The following CLEC7A variants were observed in gnomAD, a reference collection of about 807,000 sequenced individuals.
CLEC7A encodes the protein C-type lectin domain family 7 member A.
In CLEC7A, 25 loss-of-function variants were observed where a neutral mutation model predicts 26.9. That is an observed-to-expected ratio of 0.93 (90% confidence interval 0.68 to 1.30). The LOEUF is 1.30. Ranked by LOEUF, CLEC7A falls within the 50% of genes most tolerant of loss-of-function variation. CLEC7A has a pLI of 0.00. For synonymous variants in CLEC7A, 100 were observed against 99.5 expected (o/e 1.01, Z -0.03); for missense variants, 275 against 286.7 (o/e 0.96, Z 0.29).
At chr12:10,120,717 C>T (rs11831174) in intron 5 of CLEC7A, among the ~76,000 whole-genome samples, 2,028 of 150,522 alleles carry the variant, frequency 0.013, 46 homozygotes, top group African/African-American at 0.047. Flanking sequence ...CGTGAGTCCC[C>T]GCGCCCGGCC....
chr12:10,122,967 T>C (rs1948143419), intron 5 of CLEC7A, among the ~76,000 whole-genome samples: 1 of 152,140 alleles, frequency 6.6e-6, no homozygotes, highest in Admixed American at 6.6e-5. Flanking sequence ...GCTCCTTGCC[T>C]GGACAACTTC....
chr12:10,123,905 AT>A (rs1313191799), intron 4 of CLEC7A, among the ~76,000 whole-genome samples: 2 of 152,226 alleles, frequency 1.3e-5, no homozygotes, highest in Non-Finnish European at 2.9e-5. Flanking sequence ...AAAAGAATAG[AT>A]TTGTAATGTG....
chr12:10,123,767 C>CAAAAAA (rs372400404), intron 4 of CLEC7A, among the ~76,000 whole-genome samples: 35 of 124,628 alleles, frequency 2.8e-4, no homozygotes, highest in South Asian at 7.4e-4. Flanking sequence ...GACTCCGTCT[C>CAAAAAA]AAAAAAAAAA....
chr12:10,127,885 G>T, intron 1 of CLEC7A, 40 bp from the exon 2 acceptor site: 1 of 1,351,308 alleles, frequency 7.4e-7, no homozygotes, highest in Non-Finnish European at 1.0e-6. Flanking sequence ...TAAAGAAAGA[G>T]AATGACGGAT....
intron 5 of CLEC7A, among the ~76,000 whole-genome samples, chr12:10,121,603 A>G (rs1222810525): frequency 1.3e-5 from 2 of 152,234 alleles, no homozygotes; most frequent in Non-Finnish European, 2.9e-5. Flanking sequence ...GCATTTCTAA[A>G]TAACTCCTGG....
chr12:10,123,773 A>C (rs1948183750), intron 4 of CLEC7A, among the ~76,000 whole-genome samples: 1 of 151,072 alleles, frequency 6.6e-6, no homozygotes, highest in Admixed American at 6.6e-5. Flanking sequence ...GTCTCAAAAA[A>C]AAAAAAAAGA....
chr12:10,120,483 G>C (rs1948043800), intron 5 of CLEC7A, among the ~76,000 whole-genome samples: 1 of 152,102 alleles, frequency 6.6e-6, no homozygotes, highest in African/African-American at 2.4e-5. Context: ...GTAATGTACA[G>C]TTGGAAAGGA....
At chr12:10,128,466 T>A (rs1334894741) in intron 1 of CLEC7A, among the ~76,000 whole-genome samples, 1 of 152,162 alleles carries the variant, frequency 6.6e-6, no homozygotes, top group African/African-American at 2.4e-5. Context: ...ATTAGTAGGA[T>A]CCCTGAAATC....
At chr12:10,122,491 T>TTTC (rs60075079) in intron 5 of CLEC7A, among the ~76,000 whole-genome samples, 1 of 146,276 alleles carries the variant, frequency 6.8e-6, no homozygotes, top group African/African-American at 2.6e-5. Flanking sequence ...TTTCTTTTTT[T>TTTC]TTTTTTTTTT....
intron 1 of CLEC7A, among the ~76,000 whole-genome samples, chr12:10,128,207 AACACACACACACAC>A (rs71860807): frequency 3.8e-5 from 5 of 132,786 alleles, no homozygotes; most frequent in South Asian, 4.8e-4. Context: ...ACCCTGTTAA[AACACACACACACAC>A]ACACACACAC....
intron 5 of CLEC7A, among the ~76,000 whole-genome samples, chr12:10,122,931 G>A (rs1303223497): frequency 6.6e-6 from 1 of 151,984 alleles, no homozygotes. Context: ...CTCTTAACCG[G>A]GGAGTTACAC....
Position 10,119,106 on chromosome 12 carries a change from CA to C in CLEC7A, c.612-517del, listed in dbSNP as rs567712594. On this transcript the variant is annotated intron_variant, in intron 5 of 5. Transcript: ENST00000304084. The stretch of plus-strand genomic sequence containing the variant: ...GTATCCTGGAAGCAGAATTATATTA[CA>C]ATACAATGCTTGACAGTTATGGAAA... 2.0e-3 allele frequency among the ~76,000 whole-genome samples: 309 copies of C among 152,264 alleles called. 3 individuals are homozygous for C. Among genetic ancestry groups the C allele is most frequent in the African/African-American group, 7.0e-3 (289 of 41,558 alleles).
At chr12:10,123,200 C>T in intron 5 of CLEC7A, 45 bp downstream of exon 5, 1 of 1,269,978 alleles carries the variant, frequency 7.9e-7, no homozygotes, top group Non-Finnish European at 1.1e-6. Flanking sequence ...GAGATGGAAA[C>T]CTCTCTGAGA....
In CLEC7A at chr12:10,127,757, C is replaced by A; in HGVS notation, c.192G>T (p.Leu64=). The part of the protein sequence containing the change: ...CLVILVIAVV[L]GTMAIWRSNS... ...CCACCAAATACTCACCCATGGTACC[C>A]AGGACCACAGCTATCACCAGTATTA... Residue 64 remains leucine (L), a synonymous_variant, in exon 2 of 6, where the codon CTG becomes CTT. Transcript: ENST00000304084. 6.3e-7 allele frequency: 1 copy of A among 1,587,310 alleles called. No individual in the cohort carries two copies.
rs781427660 is a variant in CLEC7A at position 10,127,758 on chromosome 12, A to G, written c.191T>C (p.Leu64Pro). The G allele has an allele frequency of 1.8e-5, 28 of 1,587,876 alleles. No homozygotes were observed. The highest frequency in any genetic ancestry group is 2.2e-5 in the Non-Finnish European group (26 of 1,164,802). The change falls in exon 2 of 6, where the codon CTG becomes CCG. Residue 64 changes from leucine to proline, a missense_variant. Leu to Pro is a moderately conservative substitution (Grantham distance 98). Transcript: ENST00000304084. ...CACCAAATACTCACCCATGGTACCC[A>G]GGACCACAGCTATCACCAGTATTAC... ...CLVILVIAVVLGTMAIWRSNS... is the reference protein window; with the variant it reads ...CLVILVIAVVPGTMAIWRSNS...
Position 10,125,365 on chromosome 12 carries a change from C to A in CLEC7A, c.424G>T (p.Asp142Tyr). 6.2e-7 allele frequency: 1 copy of A among 1,613,528 alleles called. No homozygotes were observed. Among genetic ancestry groups the A allele is most frequent in the East Asian group, 2.2e-5 (1 of 44,858 alleles). The change falls in exon 4 of 6, where the codon GAT becomes TAT. Residue 142 changes from aspartate to tyrosine, a missense_variant. Coordinates refer to ENST00000304084, the MANE Select transcript of CLEC7A (RefSeq NM_197947.3). ...TGCCAGCATTGTCTTTTACTTCCAT[C>A]CCAGGAATTTAGTGACATGCTGAAT... is the stretch of plus-strand genomic sequence containing the variant. ...YLFSMSLNSW[D>Y]GSKRQCWQLG...
chr12:10,120,729 A>C lies in CLEC7A; in HGVS notation c.612-2139T>G, dbSNP rs538988714. Among the ~76,000 whole-genome samples, 133 of 138,446 alleles carry C rather than the reference A, an allele frequency of 9.6e-4. 1 individual carries two copies. In the East Asian group the frequency reaches 0.024, roughly 25 times the overall value. The allele number at this position is 138,446 out of a possible 152,430, so 90.8% of individuals were successfully genotyped here. A position where few individuals can be genotyped will look rare whatever the true frequency, so the allele number is the denominator to read the frequency against. ...AGGCGTGAGTCCCCGCGCCCGGCCC[A>C]AGGGCTAGTTTTTTCTTTTTTCTTT... is the stretch of plus-strand genomic sequence containing the variant. On this transcript the variant is annotated intron_variant, in intron 5 of 5. Coordinates refer to ENST00000304084, the MANE Select transcript of CLEC7A (RefSeq NM_197947.3).
intron 3 of CLEC7A, among the ~76,000 whole-genome samples, chr12:10,125,826 T>A (rs1404939660): frequency 6.6e-6 from 1 of 152,208 alleles, no homozygotes; most frequent in Non-Finnish European, 1.5e-5. Flanking sequence ...TATTTTATGA[T>A]GTAAGATCTA....
intron 4 of CLEC7A, 163 bp downstream of exon 4, chr12:10,125,134 C>T (rs11053615): frequency 5.6e-6 from 4 of 713,944 alleles, no homozygotes; most frequent in Non-Finnish European, 9.8e-6. Context: ...TGGGATGTCG[C>T]GGCTTCACTG....
Sources: gnomAD v4.1 joint callset for allele counts (sites outside exome capture counted in the v4.1 genomes callset) on GRCh38, gnomAD v4.1.1 for gene constraint, MANE v1.5 for transcripts, NCBI Gene and HGNC (gene_info 2026-07-23, HGNC 2026-07-21) for gene names.